The following IGF1R variants were observed in gnomAD, a reference collection of about 807,000 sequenced individuals.
IGF1R encodes insulin like growth factor 1 receptor, also known as insulin-like growth factor 1 receptor.
Under a neutral mutation model 144.6 loss-of-function variants are expected in IGF1R, and 44 were observed. That is an observed-to-expected ratio of 0.30 (90% CI 0.24 to 0.39). The LOEUF (loss-of-function observed/expected upper bound fraction) is 0.39. IGF1R is among the 10% of genes least tolerant of loss of function. The pLI, the probability that IGF1R is intolerant of heterozygous loss-of-function variation, is 1.00. For synonymous variants in IGF1R, 795 were observed against 722.8 expected, an observed-to-expected ratio of 1.10 and a Z score of -1.60; for missense variants, 1,355 against 1,833.7, an observed-to-expected ratio of 0.74 and a Z score of 4.77.
chr15:98,845,728 A>G (rs2011304084), intron 2 of IGF1R, among the ~76,000 whole-genome samples: 1 of 151,814 alleles, frequency 6.6e-6, no homozygotes, highest in African/African-American at 2.4e-5. Flanking sequence ...TGTCTTACCT[A>G]GTGATCCTGG....
At chr15:98,808,375 A>T (rs2056511002) in intron 2 of IGF1R, among the ~76,000 whole-genome samples, 1 of 152,222 alleles carries the variant, frequency 6.6e-6, no homozygotes, top group Non-Finnish European at 1.5e-5. Context: ...AATTGTGAAT[A>T]ATTGTTTCAC....
chr15:98,804,865 T>G (rs1193062434), intron 2 of IGF1R, among the ~76,000 whole-genome samples: 2 of 152,106 alleles, frequency 1.3e-5, no homozygotes, highest in Non-Finnish European at 2.9e-5. Context: ...TGGCTAATTT[T>G]TTGAATTTTT....
In IGF1R at chr15:98,916,670, A is replaced by G; in HGVS notation, c.1997-2A>G. 6.2e-7 allele frequency: 1 copy of G among 1,614,022 alleles called. No individual in the cohort carries two copies. Among genetic ancestry groups the G allele is most frequent in the Non-Finnish European group, 8.5e-7 (1 of 1,179,930 alleles). On this transcript the variant is annotated splice_acceptor_variant, in intron 9 of 20. Coordinates refer to ENST00000650285, the MANE Select transcript of IGF1R (RefSeq NM_000875.5). LOFTEE classifies it high-confidence loss of function. ...TTGTTTTGGCTTTTCTTTTCCGAGA[A>G]GACAAAATCCCCATCAGGAAGTATG...
rs564849454 is a variant in IGF1R at position 98,700,053 on chromosome 15, A to G, written c.95-7509A>G. ...ATGAATTGTGTCGGTTTACACTTAC[A>G]CAGAAAATTCTACTGTAATAAACTG... On this transcript the variant is annotated intron_variant, in intron 1 of 20. Coordinates refer to ENST00000650285, the MANE Select transcript of IGF1R (RefSeq NM_000875.5). Among the ~76,000 whole-genome samples the G allele has an allele frequency of 5.9e-5, 9 of 152,350 alleles. No individual in the cohort carries two copies. In the East Asian group the frequency reaches 1.7e-3, roughly 29 times the overall value.
rs4966014 is a variant in IGF1R at position 98,704,789 on chromosome 15, C to T, written c.95-2773C>T. 0.76 allele frequency among the ~76,000 whole-genome samples: 114,784 copies of T among 151,918 alleles called. 44,056 individuals carry two copies. The highest frequency in any genetic ancestry group is 0.89 in the African/African-American group (36,751 of 41,420). ...AGTGTGTAGGGTTGTTGAGGAACAGCGTGCTGCACAGGGAGGAAAGACGTG... is the reference window on the plus strand; with the variant it reads ...AGTGTGTAGGGTTGTTGAGGAACAGTGTGCTGCACAGGGAGGAAAGACGTG... On this transcript the variant is annotated intron_variant, in intron 1 of 20. Transcript: ENST00000650285. This position sits in a 1 kb window ranked among gnomAD's most constrained non-coding sequence, Gnocchi z 4.9.
intron 1 of IGF1R, among the ~76,000 whole-genome samples, chr15:98,692,694 AT>A (rs2053505183): frequency 6.6e-6 from 1 of 152,194 alleles, no homozygotes; most frequent in South Asian, 2.1e-4. Context: ...AATCAAAGCC[AT>A]TATCTAAAAG....
At chr15:98,730,630 C>A (rs944361549) in intron 2 of IGF1R, among the ~76,000 whole-genome samples, 1 of 152,156 alleles carries the variant, frequency 6.6e-6, no homozygotes, top group East Asian at 1.9e-4. Flanking sequence ...TGGCTACCCC[C>A]TGAGGACTGG....
intron 1 of IGF1R, among the ~76,000 whole-genome samples, chr15:98,667,381 G>C (rs992050545): frequency 6.6e-6 from 1 of 152,104 alleles, no homozygotes; most frequent in African/African-American, 2.4e-5. Context: ...TCATTACAGA[G>C]GGGGGAGCCC....
Position 98,962,338 on chromosome 15 carries a change from C to G in IGF1R, c.*4896C>G. 4.3e-6 allele frequency: 1 copy of G among 233,542 alleles called. No homozygotes were observed. The highest frequency in any genetic ancestry group is 8.5e-6 in the Non-Finnish European group (1 of 118,122). The allele number at this position is 233,542 out of a possible 1,614,324, so 14.5% of individuals were successfully genotyped here. A position where few individuals can be genotyped will look rare whatever the true frequency, so the allele number is the denominator to read the frequency against. On this transcript the variant is annotated 3_prime_UTR_variant, in exon 21 of 21. Transcript: ENST00000650285. ...GTTTGTTCTTTTCGTTAATGTTCCT[C>G]TGTGTTGTCAGCTGTCTTCATTTCC...
intron 2 of IGF1R, among the ~76,000 whole-genome samples, chr15:98,851,750 T>C (rs977742130): frequency 2.6e-5 from 4 of 152,204 alleles, no homozygotes; most frequent in African/African-American, 9.7e-5. Flanking sequence ...CTTAGCAATG[T>C]CAGATGATAG....
intron 2 of IGF1R, among the ~76,000 whole-genome samples, chr15:98,853,750 G>A (rs1440772581): frequency 1.3e-5 from 2 of 152,192 alleles, no homozygotes; most frequent in Admixed American, 6.5e-5. Context: ...GGTGCCCTGC[G>A]CCCCGTCTCA....
intron 2 of IGF1R, among the ~76,000 whole-genome samples, chr15:98,818,993 T>A (rs187584406): frequency 6.6e-6 from 1 of 152,216 alleles, no homozygotes; most frequent in Admixed American, 6.5e-5. Flanking sequence ...GGGTGGAGGC[T>A]TCCATTCCTG....
chr15:98,728,308 T>C (rs1326848813), intron 2 of IGF1R, among the ~76,000 whole-genome samples: 1 of 151,888 alleles, frequency 6.6e-6, no homozygotes, highest in African/African-American at 2.4e-5. Flanking sequence ...CCGGGCTGGG[T>C]GGGGATGAGA....
intron 19 of IGF1R, among the ~76,000 whole-genome samples, chr15:98,945,659 G>C (rs1052552882): frequency 6.6e-6 from 1 of 152,178 alleles, no homozygotes; most frequent in Non-Finnish European, 1.5e-5. Flanking sequence ...TTAAACCTCA[G>C]AGCTTCTCTG....
At chr15:98,919,488 GT>G (rs557337978) in intron 10 of IGF1R, among the ~76,000 whole-genome samples, 1 of 152,196 alleles carries the variant, frequency 6.6e-6, no homozygotes, top group South Asian at 2.1e-4. Context: ...GGCAAGACCT[GT>G]TTTTTTCTCA....
At chr15:98,747,151 TC>T (rs2054888299) in intron 2 of IGF1R, among the ~76,000 whole-genome samples, 1 of 152,290 alleles carries the variant, frequency 6.6e-6, no homozygotes, top group Non-Finnish European at 1.5e-5. Flanking sequence ...CTCTATCAGT[TC>T]CCATTCATTT....
chr15:98,938,039 A>C lies in IGF1R; in HGVS notation c.3298-1162A>C, dbSNP rs545011506. On this transcript the variant is annotated intron_variant, in intron 17 of 20. Transcript: ENST00000650285. ...TTTGTGTCACCAAGTGTAGAGAACC[A>C]ACCCAGAAGTACCGAGGAGTTGTTA... is the stretch of plus-strand genomic sequence containing the variant. Among the ~76,000 whole-genome samples the C allele has an allele frequency of 2.0e-5, 3 of 152,340 alleles. No individual in the cohort carries two copies. In the South Asian group the frequency reaches 6.2e-4, roughly 32 times the overall value.
intron 2 of IGF1R, among the ~76,000 whole-genome samples, chr15:98,771,739 A>AT (rs2055591359): frequency 4.9e-5 from 1 of 20,524 alleles, no homozygotes; most frequent in Non-Finnish European, 3.6e-3. Flanking sequence ...AAACATGAAA[A>AT]GGGAAAAAAT....
Position 98,957,746 on chromosome 15 carries a change from C to G in IGF1R, c.*304C>G, listed in dbSNP as rs1047459567. The G allele has an allele frequency of 4.3e-6, 2 of 462,828 alleles. No individual in the cohort carries two copies. The highest frequency in any genetic ancestry group is 7.8e-6 in the Non-Finnish European group (2 of 256,800). The allele number at this position is 462,828 out of a possible 1,614,324, so 28.7% of individuals were successfully genotyped here. A position where few individuals can be genotyped will look rare whatever the true frequency, so the allele number is the denominator to read the frequency against. On this transcript the variant is annotated 3_prime_UTR_variant, in exon 21 of 21. Coordinates refer to ENST00000650285, the MANE Select transcript of IGF1R (RefSeq NM_000875.5). ...TTGAGAACCAGTCTCCTCACTCTGT[C>G]CCTGTCCTTCCCTGTTCTCCCTTTC...
Sources: gnomAD v4.1 joint callset for allele counts (sites outside exome capture counted in the v4.1 genomes callset) on GRCh38, gnomAD v4.1.1 for gene constraint, Gnocchi (gnomAD v3.1) non-coding constraint, MANE v1.5 for transcripts, NCBI Gene and HGNC (gene_info 2026-07-23, HGNC 2026-07-21) for gene names.